Variants in CREB3L2 observed in about 807,000 individuals in gnomAD.
CREB3L2 encodes the protein cAMP responsive element binding protein 3 like 2, also known as cyclic AMP-responsive element-binding protein 3-like protein 2.
In CREB3L2, 23 loss-of-function variants were observed where a neutral mutation model predicts 57.2. The ratio of observed to expected loss-of-function variants is 0.40; its 90% CI spans 0.29 to 0.57. The LOEUF (loss-of-function observed/expected upper bound fraction) is 0.57. CREB3L2 is among the 20% of genes least tolerant of loss of function. The pLI is 0.42. For synonymous variants in CREB3L2, 268 were observed against 265.1 expected (o/e 1.01, Z -0.11); for missense variants, 628 against 634.7 (o/e 0.99, Z 0.11).
intron 1 of CREB3L2, 138 bp from the exon 2 acceptor site, chr7:137,928,504 G>A (rs1800533640): frequency 2.9e-6 from 2 of 685,978 alleles, no homozygotes; most frequent in East Asian, 2.9e-5. Context: ...AGCTCGTGCT[G>A]TGTAGCAAAC....
intron 1 of CREB3L2, among the ~76,000 whole-genome samples, chr7:137,974,076 T>C (rs1801563900): frequency 6.6e-6 from 1 of 152,106 alleles, no homozygotes; most frequent in African/African-American, 2.4e-5. Context: ...ATCAACCTCC[T>C]TGTGTAAAAA....
At chr7:137,991,983 C>T (rs1486211532) in intron 1 of CREB3L2, among the ~76,000 whole-genome samples, 2 of 151,796 alleles carry the variant, frequency 1.3e-5, no homozygotes, top group African/African-American at 4.8e-5. Flanking sequence ...TAACAAGAAT[C>T]GGGCATTAAA....
At chr7:137,946,320 G>A (rs1484834192) in intron 1 of CREB3L2, among the ~76,000 whole-genome samples, 1 of 151,852 alleles carries the variant, frequency 6.6e-6, no homozygotes, top group African/African-American at 2.4e-5. Flanking sequence ...ATCCTGAGCG[G>A]GTCTGATCTA....
At chr7:137,974,114 C>G (rs1202868935) in intron 1 of CREB3L2, among the ~76,000 whole-genome samples, 1 of 152,102 alleles carries the variant, frequency 6.6e-6, no homozygotes, top group African/African-American at 2.4e-5. Flanking sequence ...CTTGTCCTAC[C>G]TACCCCATTG....
At chr7:137,953,552 G>C in intron 1 of CREB3L2, 4 of 1,276,880 alleles carry the variant, frequency 3.1e-6, no homozygotes, top group Non-Finnish European at 4.1e-6. Context: ...GGAGGGGAGA[G>C]TTGGGTGGGT....
At chr7:137,959,759 A>C (rs930270037) in intron 1 of CREB3L2, among the ~76,000 whole-genome samples, 1 of 152,214 alleles carries the variant, frequency 6.6e-6, no homozygotes, top group African/African-American at 2.4e-5. Context: ...ATAATAACCG[A>C]ATTAAATTAT....
At chr7:137,937,493 C>T (rs915472028) in intron 1 of CREB3L2, among the ~76,000 whole-genome samples, 3 of 152,010 alleles carry the variant, frequency 2.0e-5, no homozygotes, top group African/African-American at 4.8e-5. Flanking sequence ...ACCCTGCACA[C>T]AACACACAGA....
chr7:137,911,449 T>C lies in CREB3L2; in HGVS notation c.583+1542A>G, dbSNP rs114142237. ...ATATGTAAACATCCTCACATTTATA[T>C]ACCGTAGCAAATATACCTTTTCGGT... On this transcript the variant is annotated intron_variant, in intron 4 of 11. Coordinates refer to ENST00000330387, the MANE Select transcript of CREB3L2 (RefSeq NM_194071.4). Among the ~76,000 whole-genome samples, 344 of 152,346 alleles carry C rather than the reference T, an allele frequency of 2.3e-3. 1 individual carries two copies. The highest frequency in any genetic ancestry group is 8.0e-3 in the African/African-American group (333 of 41,580).
intron 1 of CREB3L2, among the ~76,000 whole-genome samples, chr7:137,932,474 T>G (rs1276897275): frequency 6.6e-6 from 1 of 152,150 alleles, no homozygotes; most frequent in Non-Finnish European, 1.5e-5. Flanking sequence ...GGCTCACACC[T>G]GTAATCCCCA....
chr7:137,914,153 TTAA>T (rs1487242455), intron 3 of CREB3L2, among the ~76,000 whole-genome samples: 3 of 149,610 alleles, frequency 2.0e-5, no homozygotes, highest in Non-Finnish European at 4.4e-5. Context: ...ATATTAATAA[TTAA>T]TAATGTTATA....
intron 8 of CREB3L2, among the ~76,000 whole-genome samples, chr7:137,885,829 T>C (rs149807403): frequency 4.7e-4 from 71 of 152,328 alleles, no homozygotes; most frequent in African/African-American, 1.5e-3. Flanking sequence ...AACACTCTGA[T>C]TGGATGGTGG....
At chr7:137,914,837 C>A (rs936453564) in intron 3 of CREB3L2, among the ~76,000 whole-genome samples, 3 of 152,156 alleles carry the variant, frequency 2.0e-5, no homozygotes, top group Admixed American at 6.5e-5. Context: ...AATGAGTCTA[C>A]TGATTCTGTG....
chr7:137,948,136 C>T (rs1205610028), intron 1 of CREB3L2, among the ~76,000 whole-genome samples: 2 of 152,198 alleles, frequency 1.3e-5, no homozygotes, highest in African/African-American at 4.8e-5. Context: ...TGTCTCCAGG[C>T]CTCTCTGCTC....
rs148937028 is a variant in CREB3L2 at position 137,879,333 on chromosome 7, GA to G, written c.*1142del. 0.014 allele frequency: 7,487 copies of G among 516,428 alleles called. 328 individuals are homozygous for G. Among genetic ancestry groups the G allele is most frequent in the African/African-American group, 0.11 (5,712 of 52,746 alleles). The allele number at this position is 516,428 out of a possible 1,614,324, so 32.0% of individuals were successfully genotyped here. A position where few individuals can be genotyped will look rare whatever the true frequency, so the allele number is the denominator to read the frequency against. ...GGTAGGGGACGAGGAGGACAAAGTG[GA>G]AGTGTGGAGGGAGGAGGGGGCCAGG... On this transcript the variant is annotated 3_prime_UTR_variant, in exon 12 of 12. Coordinates refer to ENST00000330387, the MANE Select transcript of CREB3L2 (RefSeq NM_194071.4).
At chr7:137,967,503 T>G (rs1024318898) in intron 1 of CREB3L2, among the ~76,000 whole-genome samples, 3 of 152,098 alleles carry the variant, frequency 2.0e-5, no homozygotes, top group African/African-American at 7.2e-5. Flanking sequence ...GTCCCAGCCC[T>G]CCTCCCACAG....
At chr7:137,899,111 A>AAG (rs1799693215) in intron 8 of CREB3L2, among the ~76,000 whole-genome samples, 1 of 58,798 alleles carries the variant, frequency 1.7e-5, no homozygotes, top group Non-Finnish European at 3.8e-5. Context: ...GAAGGAAGGA[A>AAG]GGAAGGAAGG....
Position 137,878,948 on chromosome 7 carries a change from A to G in CREB3L2, c.*1528T>C, listed in dbSNP as rs1799219955. 1 of 337,134 alleles carries G rather than the reference A, an allele frequency of 3.0e-6. No individual in the cohort carries two copies. The highest frequency in any genetic ancestry group is 5.6e-6 in the Non-Finnish European group (1 of 177,462). The allele number at this position is 337,134 out of a possible 1,614,324, so 20.9% of individuals were successfully genotyped here. ...TGGGGGGAGAGAGAGAAGGAGAGAC[A>G]GAGAGAGAGAGGGAGAGAGAGAAGC... On this transcript the variant is annotated 3_prime_UTR_variant, in exon 12 of 12. Coordinates refer to ENST00000330387, the MANE Select transcript of CREB3L2 (RefSeq NM_194071.4).
intron 2 of CREB3L2, among the ~76,000 whole-genome samples, chr7:137,917,421 T>C (rs1372892936): frequency 6.6e-6 from 1 of 152,242 alleles, no homozygotes; most frequent in Non-Finnish European, 1.5e-5. Context: ...ATACCAGTTT[T>C]ACTAAAATGA....
intron 1 of CREB3L2, among the ~76,000 whole-genome samples, chr7:137,996,130 C>T (rs1801985295): frequency 6.6e-6 from 1 of 152,218 alleles, no homozygotes; most frequent in African/African-American, 2.4e-5. Flanking sequence ...TGGCTATCGC[C>T]CTAGGTTCTC....
Sources: gnomAD v4.1 joint callset for allele counts (sites outside exome capture counted in the v4.1 genomes callset) on GRCh38, gnomAD v4.1.1 for gene constraint, MANE v1.5 for transcripts, NCBI Gene and HGNC (gene_info 2026-07-23, HGNC 2026-07-21) for gene names.